Variants in PDGFRL observed in about 807,000 individuals in gnomAD.
The protein encoded by PDGFRL is platelet-derived growth factor receptor-like protein.
Under a neutral mutation model 37.2 loss-of-function variants are expected in PDGFRL, and 46 were observed. The observed-to-expected ratio is 1.24, with a 90% confidence interval of 0.98 to 1.58. The LOEUF (loss-of-function observed/expected upper bound fraction) is 1.58. Ranked by LOEUF, PDGFRL falls within the 40% of genes most tolerant of loss-of-function variation. The probability of loss-of-function intolerance (pLI) is 0.00; values close to 1 mark genes in which losing one functional copy is unlikely to be tolerated. For synonymous variants in PDGFRL, 251 were observed against 184.3 expected (o/e 1.36, Z -2.93); for missense variants, 692 against 467.6 (o/e 1.48, Z -4.43).
Position 17,577,288 on chromosome 8 carries a change from G to A in PDGFRL, c.36G>A (p.Val12=), listed in dbSNP as rs1803605866. The A allele has an allele frequency of 6.2e-7, 1 of 1,613,000 alleles. No individual in the cohort carries two copies. Among genetic ancestry groups the A allele is most frequent in the Non-Finnish European group, 8.5e-7 (1 of 1,179,584 alleles). The stretch of plus-strand genomic sequence containing the variant: ...GGCTGCTGCTTGGTCTTCTGCTGGT[G>A]CACGAAGCGCTGGAGGATGGTGAGT... ...KVWLLLGLLL[V]HEALEDVTGQ... Residue 12 remains valine, a synonymous_variant, in exon 1 of 6, where the codon GTG becomes GTA. Coordinates refer to ENST00000251630, the MANE Select transcript of PDGFRL (RefSeq NM_001372073.1).
chr8:17,636,699 T>G (rs956136391), intron 5 of PDGFRL, among the ~76,000 whole-genome samples: 3 of 152,200 alleles, frequency 2.0e-5, no homozygotes, highest in African/African-American at 7.2e-5. Flanking sequence ...TGTGGATTGC[T>G]TTTCGCAGTA....
chr8:17,596,538 T>G (rs898213376), intron 2 of PDGFRL, among the ~76,000 whole-genome samples: 5 of 152,244 alleles, frequency 3.3e-5, no homozygotes, highest in East Asian at 1.9e-4. Flanking sequence ...GCTTGAAGTT[T>G]TAGTATTTTC....
chr8:17,629,562 G>A (rs1190770010), intron 4 of PDGFRL, among the ~76,000 whole-genome samples: 2 of 152,036 alleles, frequency 1.3e-5, no homozygotes, highest in Non-Finnish European at 2.9e-5. Flanking sequence ...TGCTCTTTGG[G>A]GGCTCTACCA....
At chr8:17,587,835 G>A (rs1344180353) in intron 1 of PDGFRL, among the ~76,000 whole-genome samples, 1 of 152,056 alleles carries the variant, frequency 6.6e-6, no homozygotes, top group Non-Finnish European at 1.5e-5. Flanking sequence ...TCGCCATGTT[G>A]CCCAGGCTGG....
intron 4 of PDGFRL, among the ~76,000 whole-genome samples, chr8:17,632,774 C>G (rs1405505811): frequency 1.3e-5 from 2 of 152,126 alleles, no homozygotes; most frequent in African/African-American, 4.8e-5. Context: ...TCCCTCCCCT[C>G]CTCTCCCCAG....
chr8:17,624,940 T>C (rs1804702938), intron 3 of PDGFRL, among the ~76,000 whole-genome samples: 1 of 152,172 alleles, frequency 6.6e-6, no homozygotes, highest in South Asian at 2.1e-4. Flanking sequence ...GTAATTTGGA[T>C]TTAGTTTATA....
rs368609460 is a variant in PDGFRL, at chr8:17,634,081, T to G, written c.807T>G (p.Ser269Arg). Residue 269 changes from serine (S) to arginine (R), a missense_variant, in exon 5 of 6, where the codon AGT (serine) becomes AGG (arginine). Coordinates refer to ENST00000251630, the MANE Select transcript of PDGFRL (RefSeq NM_001372073.1). ...TTTCGTGCTTGCTTCCAGTTCCCAG[T>G]GGCCCTCCCTCAACAACCATCTTGG... ...KYQLLYVAVPSGPPSTTILAS... is the reference protein window; with the variant it reads ...KYQLLYVAVPRGPPSTTILAS... 17 of 1,614,004 alleles carry G rather than the reference T, an allele frequency of 1.1e-5. No individual in the cohort carries two copies. Among genetic ancestry groups the G allele is most frequent in the Admixed American group, 3.3e-5 (2 of 60,012 alleles).
chr8:17,628,862 A>AG, intron 4 of PDGFRL, 82 bp downstream of exon 4: 1 of 895,682 alleles, frequency 1.1e-6, no homozygotes, highest in Non-Finnish European at 1.8e-6. Flanking sequence ...TGCAGATGGA[A>AG]TAAGGAAGCT....
chr8:17,584,978 T>C (rs1803785008), intron 1 of PDGFRL, among the ~76,000 whole-genome samples: 1 of 151,088 alleles, frequency 6.6e-6, no homozygotes, highest in Non-Finnish European at 1.5e-5. Context: ...AGGGGTGGAT[T>C]ATTCATGAGT....
At chr8:17,597,317 A>C (rs566845929) in intron 2 of PDGFRL, among the ~76,000 whole-genome samples, 2 of 152,326 alleles carry the variant, frequency 1.3e-5, no homozygotes, top group East Asian at 3.9e-4. Context: ...CTCCTCGTCC[A>C]GCCAAGCCTT....
At chr8:17,588,476 A>G (rs149062289) in intron 1 of PDGFRL, among the ~76,000 whole-genome samples, 3,074 of 150,870 alleles carry the variant, frequency 0.02, 117 homozygotes, top group African/African-American at 0.07. Context: ...CAGGAGTTTG[A>G]GACCAGCTTG....
intron 1 of PDGFRL, among the ~76,000 whole-genome samples, chr8:17,583,635 G>GTTGAAAT (rs1471637600): frequency 2.0e-5 from 3 of 152,158 alleles, no homozygotes; most frequent in Non-Finnish European, 1.5e-5. Flanking sequence ...GATCACCAGT[G>GTTGAAAT]TTGGTGGTGG....
intron 2 of PDGFRL, among the ~76,000 whole-genome samples, chr8:17,611,133 C>T (rs928877743): frequency 8.5e-5 from 13 of 152,156 alleles, no homozygotes; most frequent in African/African-American, 2.9e-4. Flanking sequence ...GATTTCATTC[C>T]CAGCTCTGCC....
intron 1 of PDGFRL, among the ~76,000 whole-genome samples, chr8:17,579,887 TA>T (rs1454133042): frequency 2.0e-5 from 3 of 152,100 alleles, no homozygotes; most frequent in Non-Finnish European, 4.4e-5. Flanking sequence ...AGGTAATAAA[TA>T]ATCCAAGATT....
intron 1 of PDGFRL, among the ~76,000 whole-genome samples, chr8:17,582,763 A>T (rs1275793516): frequency 3.9e-5 from 6 of 152,126 alleles, no homozygotes; most frequent in African/African-American, 1.4e-4. Context: ...CAGTTGAGAG[A>T]CTGCTTGAAT....
chr8:17,603,694 T>C (rs1000349014), intron 2 of PDGFRL, among the ~76,000 whole-genome samples: 1 of 152,188 alleles, frequency 6.6e-6, no homozygotes, highest in African/African-American at 2.4e-5. Context: ...GGAGATAAGA[T>C]GGTGAGCAAA....
Position 17,589,714 on chromosome 8 carries a change from T to C in PDGFRL, c.302T>C (p.Ile101Thr), listed in dbSNP as rs146759334. Reference protein sequence around the residue: ...TVELRCKGSRIGWSYPAYLDT... With the variant: ...TVELRCKGSRTGWSYPAYLDT... ...GAGCTTCGATGTAAAGGGAGTAGAA[T>C]TGGGTGGAGCTACCCTGCGTATCTG... is the stretch of plus-strand genomic sequence containing the variant. The change falls in exon 2 of 6, where the codon ATT becomes ACT. Residue 101 changes from isoleucine (I) to threonine (T), a missense_variant. Coordinates refer to ENST00000251630, the MANE Select transcript of PDGFRL (RefSeq NM_001372073.1). 428 of 1,613,624 alleles carry C rather than the reference T, an allele frequency of 2.7e-4. No individual in the cohort carries two copies. The highest frequency in any genetic ancestry group is 3.4e-4 in the Non-Finnish European group (406 of 1,179,636).
chr8:17,597,369 A>C (rs1392310998), intron 2 of PDGFRL, among the ~76,000 whole-genome samples: 1 of 152,222 alleles, frequency 6.6e-6, no homozygotes, highest in Non-Finnish European at 1.5e-5. Flanking sequence ...AAGCACGACC[A>C]CATTTATCCG....
rs759884136 is a variant in PDGFRL, at chr8:17,589,744, C to T, written c.332C>T (p.Thr111Ile). 6.2e-7 allele frequency: 1 copy of T among 1,605,030 alleles called. No homozygotes were observed. The highest frequency in any genetic ancestry group is 1.3e-5 in the African/African-American group (1 of 74,576). ...IGWSYPAYLD[T>I]FKDSRLSVKQ... Reference sequence around the variant, plus strand: ...TGGAGCTACCCTGCGTATCTGGACACCTTTAAGGATTCTCGCCTCAGGTAA... The same window carrying T: ...TGGAGCTACCCTGCGTATCTGGACATCTTTAAGGATTCTCGCCTCAGGTAA... Residue 111 changes from threonine to isoleucine, a missense_variant, in exon 2 of 6, where the codon ACC becomes ATC. By Grantham distance (89) the Thr-to-Ile change is moderately conservative (BLOSUM62 -1). Coordinates refer to ENST00000251630, the MANE Select transcript of PDGFRL (RefSeq NM_001372073.1).
Sources: gnomAD v4.1 joint callset for allele counts (sites outside exome capture counted in the v4.1 genomes callset) on GRCh38, gnomAD v4.1.1 for gene constraint, MANE v1.5 for transcripts, NCBI Gene and HGNC (gene_info 2026-07-23, HGNC 2026-07-21) for gene names.